REL: variants seen among roughly 807,000 people sequenced by gnomAD.
REL encodes proto-oncogene c-Rel.
A neutral mutation model predicts 45.9 loss-of-function variants in REL; 15 were observed. The observed-to-expected ratio is 0.33, with a 90% CI of 0.22 to 0.50. The LOEUF is 0.50. REL is among the 20% of genes least tolerant of loss of function. The pLI, the probability that REL is intolerant of heterozygous loss-of-function variation, is 0.98. For missense variants in REL, 601 were observed against 715.2 expected, an observed-to-expected ratio of 0.84 and a Z score of 1.82; for synonymous variants, 239 against 242.1, an observed-to-expected ratio of 0.99 and a Z score of 0.12.
rs574819914 is a variant in REL, at chr2:60,882,906, A to C, written c.10+1056A>C. ...TCGATCTCTCCCTTTGGGGGGGAAT[A>C]AGTTTGTAAGAAACATTGCAGAGCA... is the stretch of plus-strand genomic sequence containing the variant. On this transcript the variant is annotated intron_variant, in intron 1 of 9. Transcript: ENST00000394479. Among the ~76,000 whole-genome samples the C allele has an allele frequency of 2.0e-5, 3 of 152,330 alleles. No homozygotes were observed. The East Asian group carries it at 5.8e-4, about 29-fold the overall frequency.
intron 1 of REL, among the ~76,000 whole-genome samples, chr2:60,889,370 A>G (rs1303944952): frequency 6.6e-6 from 1 of 152,168 alleles, no homozygotes; most frequent in Non-Finnish European, 1.5e-5. Flanking sequence ...GCTCTTCTAT[A>G]AGGTCCTTTA....
In REL at chr2:60,925,696, ATTT is replaced by A. The variant is rs11339518; in HGVS notation, c.*3173_*3175del. The A allele has an allele frequency of 3.3e-4, 59 of 181,076 alleles. No homozygotes were observed. The highest frequency in any genetic ancestry group is 4.5e-4 in the Non-Finnish European group (39 of 86,496). The allele number at this position is 181,076 out of a possible 1,614,324, so 11.2% of individuals were successfully genotyped here. ...ATGATGATGGATGATAGGTGGGGAG[ATTT>A]TTTTTTTTTTTAATACAGAATCTCA... On this transcript the variant is annotated 3_prime_UTR_variant, in exon 10 of 10. Coordinates refer to ENST00000394479, the MANE Select transcript of REL (RefSeq NM_001291746.2).
At chr2:60,919,163 A>G (rs888846856) in intron 7 of REL, among the ~76,000 whole-genome samples, 6 of 152,182 alleles carry the variant, frequency 3.9e-5, no homozygotes, top group East Asian at 1.9e-4. Flanking sequence ...TTGGTTTCTT[A>G]TCAAACCTTA....
intron 4 of REL, among the ~76,000 whole-genome samples, chr2:60,913,036 C>G (rs1467449710): frequency 6.6e-6 from 1 of 152,050 alleles, no homozygotes; most frequent in Non-Finnish European, 1.5e-5. Context: ...TATAAAAAGA[C>G]AAGACACAAA....
intron 1 of REL, among the ~76,000 whole-genome samples, chr2:60,887,299 C>T (rs1431817168): frequency 1.3e-5 from 2 of 152,100 alleles, no homozygotes; most frequent in East Asian, 3.9e-4. Flanking sequence ...GTGTAGCAAT[C>T]CTGGTACCTA....
In REL at chr2:60,904,174, G is replaced by T. The variant is rs548242705; in HGVS notation, c.394+3091G>T. Among the ~76,000 whole-genome samples the T allele has an allele frequency of 2.0e-5, 3 of 152,062 alleles. No individual in the cohort carries two copies. In the East Asian group the frequency reaches 5.8e-4, roughly 29 times the overall value. ...TCCCAGCACTTTGGGAGGCCGAGGTGGGGGGATCACGAGATCAGGAGTTCG... is the reference window on the plus strand; with the variant it reads ...TCCCAGCACTTTGGGAGGCCGAGGTTGGGGGATCACGAGATCAGGAGTTCG... On this transcript the variant is annotated intron_variant, in intron 4 of 9. Coordinates refer to ENST00000394479, the MANE Select transcript of REL (RefSeq NM_001291746.2).
rs1011385416 is a variant in REL at position 60,924,168 on chromosome 2, C to T, written c.*1633C>T. The T allele has an allele frequency of 1.3e-5, 3 of 230,616 alleles. No homozygotes were observed. The highest frequency in any genetic ancestry group is 2.6e-5 in the Non-Finnish European group (3 of 116,448). The allele number at this position is 230,616 out of a possible 1,614,324, so 14.3% of individuals were successfully genotyped here. A position where few individuals can be genotyped will look rare whatever the true frequency, so the allele number is the denominator to read the frequency against. On this transcript the variant is annotated 3_prime_UTR_variant, in exon 10 of 10. Coordinates refer to ENST00000394479, the MANE Select transcript of REL (RefSeq NM_001291746.2). ...TCCACTGTTACCTGAGCAGGTCGTC[C>T]TTGAATATATACATCAGCATTCCCT...
chr2:60,918,697 G>T (rs1674051191), intron 7 of REL, 91 bp downstream of exon 7: 6 of 855,024 alleles, frequency 7.0e-6, no homozygotes, highest in Middle Eastern at 4.9e-4. Context: ...GTACAGTTAT[G>T]TATATTCATA....
intron 1 of REL, among the ~76,000 whole-genome samples, chr2:60,890,728 C>G (rs1328840968): frequency 1.3e-5 from 2 of 152,172 alleles, no homozygotes; most frequent in African/African-American, 4.8e-5. Flanking sequence ...TGCAATTTGA[C>G]AAGTTTTGAC....
chr2:60,918,779 G>T (rs766782096), intron 7 of REL, among the ~76,000 whole-genome samples, 173 bp downstream of exon 7: 23 of 151,642 alleles, frequency 1.5e-4, no homozygotes, highest in Non-Finnish European at 2.4e-4. Context: ...TTATTTGTTG[G>T]GTTGTTTTTT....
chr2:60,903,639 T>A (rs1673558495), intron 4 of REL, among the ~76,000 whole-genome samples: 1 of 152,152 alleles, frequency 6.6e-6, no homozygotes, highest in Non-Finnish European at 1.5e-5. Context: ...GTTCAAGCGA[T>A]TCTCGTGCCT....
rs1261476708 is a variant in REL, at chr2:60,896,223, G to A, written c.302+1678G>A. On this transcript the variant is annotated intron_variant, in intron 3 of 9. Coordinates refer to ENST00000394479, the MANE Select transcript of REL (RefSeq NM_001291746.2). ...AGGGTTTCACCATGTTGGCTGGGCTGGTCTCGAATTCCTGACCTCAGGTGA... is the reference window on the plus strand; with the variant it reads ...AGGGTTTCACCATGTTGGCTGGGCTAGTCTCGAATTCCTGACCTCAGGTGA... Among the ~76,000 whole-genome samples, 4 of 152,130 alleles carry A rather than the reference G, an allele frequency of 2.6e-5. No individual in the cohort carries two copies. In the East Asian group the frequency reaches 5.8e-4, roughly 22 times the overall value.
intron 4 of REL, among the ~76,000 whole-genome samples, chr2:60,913,305 G>A (rs1335494050): frequency 6.6e-6 from 1 of 151,932 alleles, no homozygotes; most frequent in Non-Finnish European, 1.5e-5. Flanking sequence ...CTCCTCATAT[G>A]TGTGGTTATT....
At chr2:60,920,726 G>T in intron 9 of REL, 84 bp downstream of exon 9, 1 of 815,660 alleles carries the variant, frequency 1.2e-6, no homozygotes, top group South Asian at 1.7e-5. Context: ...TTTTAGGAAT[G>T]AATAACTGCT....
Position 60,930,668 on chromosome 2 carries a change from TAAAC to T in REL, c.*8137_*8140del, listed in dbSNP as rs138204386. 35,622 of 152,118 alleles carry T rather than the reference TAAAC, an allele frequency of 0.23. 5,275 individuals are homozygous for T. Among genetic ancestry groups the T allele is most frequent in the Non-Finnish European group, 0.34 (23,176 of 67,848 alleles). 9.4% of individuals were successfully genotyped at this position (152,118 alleles called of 1,614,324 possible). A position where few individuals can be genotyped will look rare whatever the true frequency, so the allele number is the denominator to read the frequency against. On this transcript the variant is annotated 3_prime_UTR_variant, in exon 10 of 10. Transcript: ENST00000394479. ...GACAAAACCACTCATGCCCTATTAA[TAAAC>T]AAAATACAGATCAAAGTTTTCAAAA...
chr2:60,882,943 T>C (rs968720819), intron 1 of REL, among the ~76,000 whole-genome samples: 13 of 152,110 alleles, frequency 8.5e-5, no homozygotes, highest in African/African-American at 2.9e-4. Context: ...GAAAGTCTCC[T>C]ATATACACAG....
chr2:60,904,818 A>T (rs1335155836), intron 4 of REL, among the ~76,000 whole-genome samples: 1 of 152,110 alleles, frequency 6.6e-6, no homozygotes, highest in East Asian at 1.9e-4. Context: ...TCAGCCTGGG[A>T]GGTCAAGGCT....
At chr2:60,895,259 T>C (rs925475007) in intron 3 of REL, among the ~76,000 whole-genome samples, 2 of 151,338 alleles carry the variant, frequency 1.3e-5, no homozygotes, top group African/African-American at 4.9e-5. Flanking sequence ...TCTCGGCCCA[T>C]TGCAACCTTC....
intron 1 of REL, among the ~76,000 whole-genome samples, chr2:60,885,187 A>G (rs892387015): frequency 6.6e-6 from 1 of 152,192 alleles, no homozygotes; most frequent in African/African-American, 2.4e-5. Context: ...TCAGAATTTC[A>G]TTTTGTTCCA....
Sources: allele counts gnomAD v4.1 joint callset (sites outside exome capture counted in the v4.1 genomes callset), GRCh38; gene constraint gnomAD v4.1.1; transcripts MANE v1.5; gene names NCBI Gene and HGNC (gene_info 2026-07-23, HGNC 2026-07-21).